The following TRIM72 variants were observed in gnomAD, a reference collection of about 807,000 sequenced individuals.
The protein encoded by TRIM72 is tripartite motif containing 72, also known as tripartite motif-containing protein 72.
Under a neutral mutation model 31.6 loss-of-function variants are expected in TRIM72, and 33 were observed. That is an observed-to-expected ratio of 1.04 (90% CI 0.79 to 1.40). The LOEUF (loss-of-function observed/expected upper bound fraction) is 1.40. Among genes scored for constraint, TRIM72 ranks in the 40% most tolerant of loss-of-function variants. The pLI, the probability that TRIM72 is intolerant of heterozygous loss-of-function variation, is 0.00. For missense variants in TRIM72, 666 were observed against 682.7 expected, an observed-to-expected ratio of 0.98 and a Z score of 0.27; for synonymous variants, 301 against 314.4, an observed-to-expected ratio of 0.96 and a Z score of 0.45.
rs2079559122 is a variant in TRIM72 at position 31,227,796 on chromosome 16, T to A, written c.*3041T>A. 12 of 152,008 alleles carry A rather than the reference T, an allele frequency of 7.9e-5. No individual in the cohort carries two copies. 9.4% of individuals were successfully genotyped at this position (152,008 alleles called of 1,614,324 possible). ...AGGCACCCATCACCATGCCTGACTA[T>A]TTTTTATTTTTTGTATTTTGGTAGA... On this transcript the variant is annotated 3_prime_UTR_variant, in exon 7 of 7. Transcript: ENST00000322122.
At position 31,222,809 on chromosome 16, in the gene TRIM72, T is replaced by TCCCCCCCCCCCCC; in HGVS notation, c.741-14_741-13insCCCCCCCCCCCCC. Reference sequence around the variant, plus strand: ...CTCCCCCCTCACACATGCCTCCCCTTCCCCTCCCCACCCCCAGGCTGCAGA... The same window carrying TCCCCCCCCCCCCC: ...CTCCCCCCTCACACATGCCTCCCCTTCCCCCCCCCCCCCCCCCTCCCCACCCCCAGGCTGCAGA... On this transcript the variant is annotated splice_polypyrimidine_tract_variant and intron_variant, in intron 5 of 6. Transcript: ENST00000322122. 1 of 505,034 alleles carries TCCCCCCCCCCCCC rather than the reference T, an allele frequency of 2.0e-6. No individual in the cohort carries two copies. The allele number at this position is 505,034 out of a possible 1,614,324, so 31.3% of individuals were successfully genotyped here. A position where few individuals can be genotyped will look rare whatever the true frequency, so the allele number is the denominator to read the frequency against.
At chr16:31,220,425 G>A (rs189393689) in intron 4 of TRIM72, among the ~76,000 whole-genome samples, 16 of 149,576 alleles carry the variant, frequency 1.1e-4, no homozygotes, top group African/African-American at 3.7e-4. Flanking sequence ...TGAAGGGGTA[G>A]GGGTGGCCTT....
Position 31,224,559 on chromosome 16 carries a change from T to C in TRIM72, c.1238T>C (p.Ile413Thr). The C allele has an allele frequency of 6.5e-7, 1 of 1,543,712 alleles. No individual in the cohort carries two copies. Among genetic ancestry groups the C allele is most frequent in the South Asian group, 1.2e-5 (1 of 84,758 alleles). The stretch of plus-strand genomic sequence containing the variant: ...AGCCCCGAGAGGCGGCCCACGCGCA[T>C]TGGCCTTTACCTGAGCTTCGGCGAC... The part of the protein sequence containing the change: ...LRSPERRPTR[I>T]GLYLSFGDGV... The change falls in exon 7 of 7, where the codon ATT becomes ACT. Residue 413 changes from isoleucine to threonine, a missense_variant. Physicochemically the swap from Ile to Thr is moderately conservative, Grantham distance 89. Transcript: ENST00000322122.
intron 2 of TRIM72, among the ~76,000 whole-genome samples, 158 bp from the exon 3 acceptor site, chr16:31,218,937 G>A (rs2079521235): frequency 6.6e-6 from 1 of 152,140 alleles, no homozygotes; most frequent in East Asian, 1.9e-4. Context: ...GAGTAGCACT[G>A]GCTGGGGCTG....
rs767302913 is a variant in TRIM72, at chr16:31,224,211, C to T, written c.890C>T (p.Ser297Phe). 6.2e-7 allele frequency: 1 copy of T among 1,603,948 alleles called. No homozygotes were observed. Among genetic ancestry groups the T allele is most frequent in the South Asian group, 1.1e-5 (1 of 91,064 alleles). Residue 297 changes from serine to phenylalanine, a missense_variant, in exon 7 of 7, where the codon TCT becomes TTT. Ser to Phe is a radical substitution (Grantham distance 155). Coordinates refer to ENST00000322122, the MANE Select transcript of TRIM72 (RefSeq NM_001008274.4). The part of the protein sequence containing the change: ...ALEELTFDPS[S>F]AHPSLVVSSS... ...GAGGAGCTGACCTTTGACCCGAGCT[C>T]TGCGCACCCGAGCCTGGTGGTGTCT...
rs1428693539 is a variant in TRIM72, at chr16:31,224,767, G to T, written c.*12G>T. The T allele has an allele frequency of 2.2e-5, 32 of 1,457,786 alleles. No homozygotes were observed. The highest frequency in any genetic ancestry group is 5.1e-5 in the Admixed American group (2 of 39,054). 90.3% of individuals were successfully genotyped at this position (1,457,786 alleles called of 1,614,324 possible). On this transcript the variant is annotated 3_prime_UTR_variant, in exon 7 of 7. Coordinates refer to ENST00000322122, the MANE Select transcript of TRIM72 (RefSeq NM_001008274.4). Reference sequence around the variant, plus strand: ...GCGCCGAGGCCTGAGCCGCCGGACGGGTAGTGGAGGGGCGCGGGGGCCTGG... The same window carrying T: ...GCGCCGAGGCCTGAGCCGCCGGACGTGTAGTGGAGGGGCGCGGGGGCCTGG...
At chr16:31,222,222 A>G (rs1421067883) in intron 5 of TRIM72, among the ~76,000 whole-genome samples, 1 of 151,940 alleles carries the variant, frequency 6.6e-6, no homozygotes, top group African/African-American at 2.4e-5. Context: ...GCAAAACCTC[A>G]CCTCTACTAA....
Position 31,219,340 on chromosome 16 carries a change from C to T in TRIM72, c.538C>T (p.Arg180Trp), listed in dbSNP as rs771007987. 17 of 1,614,138 alleles carry T rather than the reference C, an allele frequency of 1.1e-5. No homozygotes were observed. Among genetic ancestry groups the T allele is most frequent in the South Asian group, 4.4e-5 (4 of 91,088 alleles). Residue 180 changes from arginine to tryptophan, a missense_variant, in exon 4 of 7, where the codon CGG (arginine) becomes TGG (tryptophan). By Grantham distance (101) the Arg-to-Trp change is moderately radical. Transcript: ENST00000322122. This position sits in a 1 kb window ranked among gnomAD's most constrained non-coding sequence, Gnocchi z 4.2. ...CGTGGGGGAGCAGCTGGGCAAGATG[C>T]GGGTGTTCCTGGCTGCACTGGAGGG... is the stretch of plus-strand genomic sequence containing the variant. Reference protein sequence around the residue: ...GAVGEQLGKMRVFLAALEGSL... With the variant: ...GAVGEQLGKMWVFLAALEGSL...
Position 31,214,753 on chromosome 16 carries a change from C to T in TRIM72, c.15C>T (p.Pro5=), listed in dbSNP as rs1349892029. Reference sequence around the variant, plus strand: ...CCAGGCCCGCCATGTCGGCTGCGCCCGGCCTCCTGCACCAGGAGCTGTCCT... The same window carrying T: ...CCAGGCCCGCCATGTCGGCTGCGCCTGGCCTCCTGCACCAGGAGCTGTCCT... MSAA[P]GLLHQELSCP... is the part of the protein sequence containing the mutation. Residue 5 remains proline (P), a synonymous_variant, in exon 2 of 7, where the codon CCC becomes CCT. Coordinates refer to ENST00000322122, the MANE Select transcript of TRIM72 (RefSeq NM_001008274.4). 3 of 1,573,994 alleles carry T rather than the reference C, an allele frequency of 1.9e-6. No individual in the cohort carries two copies. Among genetic ancestry groups the T allele is most frequent in the Admixed American group, 3.4e-5 (2 of 58,268 alleles).
At chr16:31,221,270 T>C (rs537346877) in intron 5 of TRIM72, among the ~76,000 whole-genome samples, 1 of 152,238 alleles carries the variant, frequency 6.6e-6, no homozygotes, top group East Asian at 1.9e-4. Context: ...AGAAGGGCAT[T>C]GTGAGGAGAA....
Position 31,224,330 on chromosome 16 carries a change from C to T in TRIM72, c.1009C>T (p.His337Tyr), listed in dbSNP as rs1400584459. ...CGACAAGGCGGTGGCGGTGGTGGCG[C>T]ACCAGCAGCTCTCCGAGGGCGAGCA... ...QFDKAVAVVA[H>Y]QQLSEGEHYW... Residue 337 changes from histidine (H) to tyrosine (Y), a missense_variant, in exon 7 of 7, where the codon CAC (histidine) becomes TAC (tyrosine). Transcript: ENST00000322122. The T allele has an allele frequency of 6.3e-7, 1 of 1,594,038 alleles. No homozygotes were observed. The highest frequency in any genetic ancestry group is 2.3e-5 in the East Asian group (1 of 44,324).
Position 31,214,974 on chromosome 16 carries a change from C to T in TRIM72, c.236C>T (p.Ala79Val). 1 of 1,490,038 alleles carries T rather than the reference C, an allele frequency of 6.7e-7. No homozygotes were observed. Among genetic ancestry groups the T allele is most frequent in the Non-Finnish European group, 8.9e-7 (1 of 1,128,230 alleles). 92.3% of individuals were successfully genotyped at this position (1,490,038 alleles called of 1,614,324 possible). A position where few individuals can be genotyped will look rare whatever the true frequency, so the allele number is the denominator to read the frequency against. Residue 79 changes from alanine to valine, a missense_variant, in exon 2 of 7, where the codon GCC becomes GTC. Ala to Val is a moderately conservative substitution (Grantham distance 64, BLOSUM62 0). Transcript: ENST00000322122. ...LQLARLVEGL[A>V]QVPQGHCEEH... ...CTGGCGCGCCTGGTGGAGGGGCTGG[C>T]CCAGGTGCCGCAGGGCCACTGCGAG... is the stretch of plus-strand genomic sequence containing the variant.
rs1017497201 is a variant in TRIM72 at position 31,214,917 on chromosome 16, C to A, written c.179C>A (p.Thr60Lys). The A allele has an allele frequency of 5.3e-6, 8 of 1,511,490 alleles. No individual in the cohort carries two copies. In the Admixed American group the frequency reaches 1.0e-4, roughly 19 times the overall value. 93.6% of individuals were successfully genotyped at this position (1,511,490 alleles called of 1,614,324 possible). Residue 60 changes from threonine (T) to lysine (K), a missense_variant, in exon 2 of 7, where the codon ACG (threonine) becomes AAG (lysine). Coordinates refer to ENST00000322122, the MANE Select transcript of TRIM72 (RefSeq NM_001008274.4). ...CTCTGCCCCTGCTGCCAGGCCCCCA[C>A]GCGGCCGCAGGCACTCAGCACCAAC... ...TVLCPCCQAPTRPQALSTNLQ... is the reference protein window; with the variant it reads ...TVLCPCCQAPKRPQALSTNLQ...
chr16:31,224,603 G>A lies in TRIM72; in HGVS notation c.1282G>A (p.Asp428Asn). 5 of 1,554,712 alleles carry A rather than the reference G, an allele frequency of 3.2e-6. No individual in the cohort carries two copies. Among genetic ancestry groups the A allele is most frequent in the Non-Finnish European group, 4.3e-6 (5 of 1,155,838 alleles). ...CGGCGACGGCGTCCTCTCCTTCTAC[G>A]ATGCCAGCGACGCCGACGCGCTCGT... ...SFGDGVLSFY[D>N]ASDADALVPL... The change falls in exon 7 of 7, where the codon GAT (aspartate) becomes AAT (asparagine). Residue 428 changes from aspartate to asparagine, a missense_variant. Physicochemically the swap from Asp to Asn is conservative, Grantham distance 23 (BLOSUM62 1). Coordinates refer to ENST00000322122, the MANE Select transcript of TRIM72 (RefSeq NM_001008274.4).
In TRIM72 at chr16:31,214,530, G is replaced by A. The variant is rs540573329; in HGVS notation, c.-7-202G>A. ...TTTGGGGTTGGAGCTGAGAATTGCA[G>A]TGGAGGCTGCTTTTGGGCCTGAGAC... On this transcript the variant is annotated intron_variant, in intron 1 of 6. Transcript: ENST00000322122. 2.6e-5 allele frequency among the ~76,000 whole-genome samples: 4 copies of A among 152,334 alleles called. No individual in the cohort carries two copies. In the South Asian group the frequency reaches 8.3e-4, roughly 32 times the overall value.
rs1470153983 is a variant in TRIM72, at chr16:31,224,605, T to G, written c.1284T>G (p.Asp428Glu). ...GCGACGGCGTCCTCTCCTTCTACGA[T>G]GCCAGCGACGCCGACGCGCTCGTGC... ...SFGDGVLSFY[D>E]ASDADALVPL... The change falls in exon 7 of 7, where the codon GAT becomes GAG. Residue 428 changes from aspartate to glutamate, a missense_variant. Physicochemically the swap from Asp to Glu is conservative, Grantham distance 45 (BLOSUM62 2). Coordinates refer to ENST00000322122, the MANE Select transcript of TRIM72 (RefSeq NM_001008274.4). 6.4e-7 allele frequency: 1 copy of G among 1,554,698 alleles called. No individual in the cohort carries two copies. Among genetic ancestry groups the G allele is most frequent in the Non-Finnish European group, 8.7e-7 (1 of 1,155,890 alleles).
Position 31,222,931 on chromosome 16 carries a change from G to A in TRIM72, c.845G>A (p.Arg282Gln), listed in dbSNP as rs140739096. The change falls in exon 6 of 7, where the codon CGG becomes CAG. Residue 282 changes from arginine to glutamine, a missense_variant. By Grantham distance (43) the Arg-to-Gln change is conservative. Transcript: ENST00000322122. ...FKFQVWRKMF[R>Q]ALMPALEELT... is the part of the protein sequence containing the mutation. ...TTCCAGGTGTGGAGGAAGATGTTCCGGGCTCTGATGCCAGGTACCGGGAGG... is the reference window on the plus strand; with the variant it reads ...TTCCAGGTGTGGAGGAAGATGTTCCAGGCTCTGATGCCAGGTACCGGGAGG... The A allele has an allele frequency of 5.1e-5, 81 of 1,577,726 alleles. No homozygotes were observed. Among genetic ancestry groups the A allele is most frequent in the East Asian group, 9.9e-5 (4 of 40,454 alleles).
rs934135318 is a variant in TRIM72 at position 31,215,124 on chromosome 16, T to G, written c.386T>G (p.Leu129Arg). The change falls in exon 2 of 7, where the codon CTC becomes CGC. Residue 129 changes from leucine (L) to arginine (R), a missense_variant. Leu to Arg is a moderately radical substitution (Grantham distance 102). Transcript: ENST00000322122. This position sits in a 1 kb window ranked among gnomAD's most constrained non-coding sequence, Gnocchi z 6.3. ...CCTGCCGCCGAGGCCCACGCACGCC[T>G]CAAGGTGCGGGATCCGCGCGCATCG... ...LLPAAEAHARLKTQLPQQKLQ... is the reference protein window; with the variant it reads ...LLPAAEAHARRKTQLPQQKLQ... 6 of 1,440,236 alleles carry G rather than the reference T, an allele frequency of 4.2e-6. No homozygotes were observed. The African/African-American group carries it at 8.9e-5, about 21-fold the overall frequency. 89.2% of individuals were successfully genotyped at this position (1,440,236 alleles called of 1,614,324 possible).
In TRIM72 at chr16:31,222,900, T is replaced by G; in HGVS notation, c.814T>G (p.Phe272Val). ...DIQLPIISDD[F>V]KFQVWRKMFR... ...CCAGCTGCCAATTATCTCAGATGAC[T>G]TCAAATTCCAGGTGTGGAGGAAGAT... Residue 272 changes from phenylalanine (F) to valine (V), a missense_variant, in exon 6 of 7, where the codon TTC (phenylalanine) becomes GTC (valine). Transcript: ENST00000322122. 1 of 1,532,250 alleles carries G rather than the reference T, an allele frequency of 6.5e-7. No individual in the cohort carries two copies. Among genetic ancestry groups the G allele is most frequent in the East Asian group, 2.7e-5 (1 of 36,684 alleles). 94.9% of individuals were successfully genotyped at this position (1,532,250 alleles called of 1,614,324 possible). A position where few individuals can be genotyped will look rare whatever the true frequency, so the allele number is the denominator to read the frequency against.
Sources: gnomAD v4.1 joint callset for allele counts (sites outside exome capture counted in the v4.1 genomes callset) on GRCh38, gnomAD v4.1.1 for gene constraint, Gnocchi (gnomAD v3.1) non-coding constraint, MANE v1.5 for transcripts, NCBI Gene and HGNC (gene_info 2026-07-23, HGNC 2026-07-21) for gene names.